Variants in NELL1 observed in about 807,000 individuals in gnomAD.
NELL1 encodes neural EGFL like 1.
A neutral mutation model predicts 107.4 loss-of-function variants in NELL1; 76 were observed. The ratio of observed to expected loss-of-function variants is 0.71; its 90% CI spans 0.59 to 0.86. The LOEUF is 0.86. Ranked by LOEUF, NELL1 falls within the 40% of genes least tolerant of loss-of-function variation. The pLI, the probability that NELL1 is intolerant of heterozygous loss-of-function variation, is 0.00. For synonymous variants in NELL1, 353 were observed against 341.2 expected, an observed-to-expected ratio of 1.03 and a Z score of -0.38; for missense variants, 1,024 against 1,005.5, an observed-to-expected ratio of 1.02 and a Z score of -0.25.
intron 11 of NELL1, 53 bp downstream of exon 11, chr11:20,947,488 C>T (rs1850988145): frequency 1.6e-6 from 2 of 1,286,196 alleles, no homozygotes; most frequent in South Asian, 2.4e-5. Flanking sequence ...GGCTGGTCTT[C>T]TGGGGCATGA....
At chr11:20,695,279 T>G (rs1854585123) in intron 2 of NELL1, among the ~76,000 whole-genome samples, 1 of 152,066 alleles carries the variant, frequency 6.6e-6, no homozygotes, top group Admixed American at 6.6e-5. Context: ...TTTGGATGCC[T>G]TTAATGTCTT....
chr11:21,108,736 G>T (rs1855030015), intron 12 of NELL1, among the ~76,000 whole-genome samples: 1 of 152,020 alleles, frequency 6.6e-6, no homozygotes, highest in Admixed American at 6.6e-5. Flanking sequence ...TGGGGCCTTG[G>T]GTCACTGGAG....
intron 14 of NELL1, among the ~76,000 whole-genome samples, chr11:21,253,645 A>G (rs969934127): frequency 6.6e-6 from 1 of 152,152 alleles, no homozygotes; most frequent in Non-Finnish European, 1.5e-5. Context: ...GGAGTGAGCT[A>G]TTACTGGTTT....
intron 4 of NELL1, among the ~76,000 whole-genome samples, chr11:20,866,486 A>T (rs375894912): frequency 1.3e-5 from 2 of 152,182 alleles, no homozygotes; most frequent in East Asian, 1.9e-4. Context: ...CAAAAGGAGG[A>T]AGCTGTCAAA....
intron 9 of NELL1, among the ~76,000 whole-genome samples, chr11:20,928,709 C>G (rs1360471557): frequency 6.6e-6 from 1 of 151,798 alleles, no homozygotes; most frequent in East Asian, 1.9e-4. Flanking sequence ...CCTGTAATTA[C>G]TATTCTTCTT....
intron 14 of NELL1, among the ~76,000 whole-genome samples, chr11:21,334,785 C>A (rs1352448541): frequency 6.6e-6 from 1 of 150,904 alleles, no homozygotes; most frequent in Admixed American, 6.6e-5. Context: ...GATGCTTTAC[C>A]AGGAGCTGGG....
At chr11:20,737,255 C>G (rs1223878997) in intron 2 of NELL1, among the ~76,000 whole-genome samples, 1 of 152,086 alleles carries the variant, frequency 6.6e-6, no homozygotes, top group African/African-American at 2.4e-5. Context: ...ATAACCAGAG[C>G]TCCCTGGGTA....
chr11:21,140,158 C>A (rs1001008314), intron 13 of NELL1, among the ~76,000 whole-genome samples: 20 of 152,108 alleles, frequency 1.3e-4, no homozygotes, highest in Non-Finnish European at 2.2e-4. Flanking sequence ...TGCTCCATCC[C>A]AAGAGCCTGG....
At chr11:21,345,849 C>T (rs148906471) in intron 14 of NELL1, among the ~76,000 whole-genome samples, 37 of 152,272 alleles carry the variant, frequency 2.4e-4, no homozygotes, top group South Asian at 8.3e-4. Context: ...GCACGACCAG[C>T]AATAGGAATA....
chr11:21,169,025 G>A (rs576810082), intron 13 of NELL1, among the ~76,000 whole-genome samples: 8 of 152,012 alleles, frequency 5.3e-5, no homozygotes, highest in African/African-American at 1.7e-4. Context: ...AGAGATAAAA[G>A]CTTGATGCTA....
intron 2 of NELL1, among the ~76,000 whole-genome samples, chr11:20,778,073 C>A (rs1030562640): frequency 2.2e-4 from 34 of 152,180 alleles, no homozygotes; most frequent in African/African-American, 7.5e-4. Flanking sequence ...GAGTTCACAG[C>A]CATACGATGC....
At chr11:21,515,694 C>G (rs1318117103) in intron 15 of NELL1, among the ~76,000 whole-genome samples, 1 of 152,146 alleles carries the variant, frequency 6.6e-6, no homozygotes, top group African/African-American at 2.4e-5. Flanking sequence ...GCTGCACCTG[C>G]CCTAAGGGAT....
chr11:21,050,972 G>A (rs1853478417), intron 12 of NELL1, among the ~76,000 whole-genome samples: 1 of 152,086 alleles, frequency 6.6e-6, no homozygotes, highest in Admixed American at 6.6e-5. Flanking sequence ...CCAGGGTCAG[G>A]AGCCTCATAT....
intron 15 of NELL1, among the ~76,000 whole-genome samples, chr11:21,400,826 G>T (rs1008150164): frequency 2.0e-5 from 3 of 151,872 alleles, no homozygotes; most frequent in Admixed American, 2.0e-4. Flanking sequence ...TTCATAGTTA[G>T]TGATCCTTGT....
intron 2 of NELL1, among the ~76,000 whole-genome samples, chr11:20,712,366 T>C (rs1403109664): frequency 6.6e-6 from 1 of 152,196 alleles, no homozygotes; most frequent in Admixed American, 6.5e-5. Flanking sequence ...CATTGTTTTT[T>C]AAAATTTCTT....
chr11:21,229,474 G>A lies in NELL1; in HGVS notation c.1549+20G>A. ...GCAGAGGTAGGCTTGCCGCCTTAGT[G>A]TTGAGTTGTGAGCAGCCATTCTGCC... On this transcript the variant is annotated intron_variant, in intron 14 of 19. Coordinates refer to ENST00000357134, the MANE Select transcript of NELL1 (RefSeq NM_006157.5). The A allele has an allele frequency of 6.2e-7, 1 of 1,612,908 alleles. No individual in the cohort carries two copies. The highest frequency in any genetic ancestry group is 8.5e-7 in the Non-Finnish European group (1 of 1,179,296).
At chr11:21,088,352 A>C (rs1394662504) in intron 12 of NELL1, among the ~76,000 whole-genome samples, 1 of 152,118 alleles carries the variant, frequency 6.6e-6, no homozygotes, top group Non-Finnish European at 1.5e-5. Flanking sequence ...CATAATTACT[A>C]TGCAAAGTAC....
chr11:20,673,565 T>G (rs1853973895), intron 1 of NELL1, among the ~76,000 whole-genome samples: 1 of 152,020 alleles, frequency 6.6e-6, no homozygotes, highest in Non-Finnish European at 1.5e-5. Context: ...ATTCCCTGGG[T>G]GGGGGTGAGG....
chr11:21,494,450 C>T (rs1237598034), intron 15 of NELL1, among the ~76,000 whole-genome samples: 2 of 151,900 alleles, frequency 1.3e-5, no homozygotes, highest in African/African-American at 2.4e-5. Context: ...TCCAGAATTG[C>T]ATATTTATTA....
Sources: allele counts gnomAD v4.1 joint callset (sites outside exome capture counted in the v4.1 genomes callset), GRCh38; gene constraint gnomAD v4.1.1; transcripts MANE v1.5; gene names NCBI Gene and HGNC (gene_info 2026-07-23, HGNC 2026-07-21).